Variants in LAMA3 observed in about 807,000 individuals in gnomAD.
LAMA3 encodes the protein laminin subunit alpha-3.
Under a neutral mutation model 402.0 loss-of-function variants are expected in LAMA3, and 281 were observed. The observed-to-expected ratio is 0.70, with a 90% CI of 0.63 to 0.77. LAMA3 has a LOEUF of 0.77. Among genes scored for constraint, LAMA3 ranks in the 30% least tolerant of loss-of-function variants. LAMA3 has a pLI of 0.00. For missense variants in LAMA3, 3,840 were observed against 4,215.5 expected (o/e 0.91, Z 2.47); for synonymous variants, 1,431 against 1,558.4 (o/e 0.92, Z 1.93).
chr18:23,884,894 C>T (rs371115852), intron 41 of LAMA3, 41 bp downstream of exon 41: 97 of 1,498,248 alleles, frequency 6.5e-5, no homozygotes, highest in East Asian at 3.5e-4. Flanking sequence ...GCAGAGGGGG[C>T]GGGGAGGGCT....
chr18:23,769,125 C>A (rs1217407857), intron 8 of LAMA3, among the ~76,000 whole-genome samples: 1 of 152,104 alleles, frequency 6.6e-6, no homozygotes, highest in Non-Finnish European at 1.5e-5. Flanking sequence ...TGTACATGTA[C>A]CCCCTGAATC....
rs748191295 is a variant in LAMA3, at chr18:23,909,176, C to T, written c.7039C>T (p.Pro2347Ser). ...NSVNKLTNKL[P>S]DLWRKIESIN... ...AGTGAATAAGTTAACCAACAAACTA[C>T]CTGATCTTTGGCGCAAGATTGAAAG... The change falls in exon 55 of 75, where the codon CCT becomes TCT. Residue 2347 changes from proline to serine, a missense_variant. Physicochemically the swap from Pro to Ser is moderately conservative, Grantham distance 74. Transcript: ENST00000313654. The T allele has an allele frequency of 1.2e-6, 2 of 1,613,980 alleles. No individual in the cohort carries two copies. Among genetic ancestry groups the T allele is most frequent in the African/African-American group, 1.3e-5 (1 of 75,022 alleles).
rs776254028 is a variant in LAMA3, at chr18:23,950,130, C to A, written c.9613C>A (p.His3205Asn). Residue 3205 changes from histidine to asparagine, a missense_variant, in exon 72 of 75, where the codon CAC becomes AAC. By Grantham distance (68) the His-to-Asn change is moderately conservative. This residue lies in a region of LAMA3 where 840 missense variants were observed against 981.9 expected (regional missense o/e 0.86). Coordinates refer to ENST00000313654, the MANE Select transcript of LAMA3 (RefSeq NM_198129.4). ...LIHIGSQPGK[H>N]LCVYLEAGKV... ...ACACATCGGAAGTCAGCCCGGGAAGCACTTATGTGTTTACCTGGAGGCAGG... is the reference window on the plus strand; with the variant it reads ...ACACATCGGAAGTCAGCCCGGGAAGAACTTATGTGTTTACCTGGAGGCAGG... The A allele has an allele frequency of 6.2e-7, 1 of 1,613,976 alleles. No homozygotes were observed. The highest frequency in any genetic ancestry group is 1.3e-5 in the African/African-American group (1 of 74,896).
chr18:23,904,594 C>A lies in LAMA3; in HGVS notation c.6515C>A (p.Ala2172Asp), dbSNP rs757544751. ...AGCGGGGATGAGCTGGTGCGCTGTGCTGTGGATGCCGCCACCGCCTACGAG... is the reference window on the plus strand; with the variant it reads ...AGCGGGGATGAGCTGGTGCGCTGTGATGTGGATGCCGCCACCGCCTACGAG... ...NASGDELVRC[A>D]VDAATAYENI... Residue 2172 changes from alanine (A) to aspartate (D), a missense_variant, in exon 51 of 75, where the codon GCT (alanine) becomes GAT (aspartate). Ala to Asp is a moderately radical substitution (Grantham distance 126). This residue lies in a region of LAMA3 where 891 missense variants were observed against 857.5 expected (regional missense o/e 1.04). Transcript: ENST00000313654. The A allele has an allele frequency of 1.9e-6, 3 of 1,610,924 alleles. No homozygotes were observed. The highest frequency in any genetic ancestry group is 1.7e-6 in the Non-Finnish European group (2 of 1,178,774).
intron 1 of LAMA3, among the ~76,000 whole-genome samples, chr18:23,695,595 G>A (rs1264793910): frequency 1.3e-5 from 2 of 151,842 alleles, no homozygotes; most frequent in South Asian, 2.1e-4. Flanking sequence ...GCTGAGGCGG[G>A]TGAATCACTT....
chr18:23,693,598 C>A (rs1156689577), intron 1 of LAMA3, among the ~76,000 whole-genome samples: 1 of 151,178 alleles, frequency 6.6e-6, no homozygotes, highest in African/African-American at 2.4e-5. Context: ...GCTAAATAAT[C>A]CACTGGCATA....
At chr18:23,807,165 T>G (rs2062978434) in intron 12 of LAMA3, among the ~76,000 whole-genome samples, 2 of 152,144 alleles carry the variant, frequency 1.3e-5, no homozygotes, top group South Asian at 4.1e-4. Context: ...CCCAAACCAA[T>G]TCAGAGAATT....
intron 40 of LAMA3, among the ~76,000 whole-genome samples, chr18:23,884,320 C>T (rs978623665): frequency 4.6e-5 from 7 of 152,150 alleles, no homozygotes; most frequent in Non-Finnish European, 1.0e-4. Flanking sequence ...CTGGCCTCCC[C>T]ACCAACTTTT....
In LAMA3 at chr18:23,928,194, T is replaced by C; in HGVS notation, c.8249T>C (p.Leu2750Ser). 1.9e-6 allele frequency: 3 copies of C among 1,613,922 alleles called. No homozygotes were observed. The highest frequency in any genetic ancestry group is 2.5e-6 in the Non-Finnish European group (3 of 1,179,776). ...NLKKTSGVVRLNDTVGVTKKC... is the reference protein window; with the variant it reads ...NLKKTSGVVRSNDTVGVTKKC... ...AAGAAAACCAGTGGTGTCGTTAGAT[T>C]GAATGATACTGTGGGAGTAACCAAA... The change falls in exon 63 of 75, where the codon TTG becomes TCG. Residue 2750 changes from leucine (L) to serine (S), a missense_variant. By Grantham distance (145) the Leu-to-Ser change is moderately radical. Transcript: ENST00000313654.
chr18:23,787,263 C>G (rs2062563455), intron 12 of LAMA3, among the ~76,000 whole-genome samples: 1 of 151,926 alleles, frequency 6.6e-6, no homozygotes, highest in African/African-American at 2.4e-5. Context: ...GCCTGGGTGA[C>G]AAGAGTGAAA....
At chr18:23,824,667 T>C (rs2063347502) in intron 21 of LAMA3, 102 bp downstream of exon 21, 14 of 1,325,910 alleles carry the variant, frequency 1.1e-5, no homozygotes, top group Admixed American at 3.4e-5. Flanking sequence ...AATATCACAA[T>C]CATTGGTGGT....
intron 25 of LAMA3, among the ~76,000 whole-genome samples, chr18:23,837,949 CCTT>C (rs2063620149): frequency 6.6e-6 from 1 of 152,140 alleles, no homozygotes; most frequent in East Asian, 1.9e-4. Context: ...AATTATGACT[CCTT>C]CTTAAAACAT....
At chr18:23,860,265 T>TC (rs935866212) in intron 34 of LAMA3, among the ~76,000 whole-genome samples, 28 of 144,874 alleles carry the variant, frequency 1.9e-4, no homozygotes, top group Admixed American at 6.1e-4. Flanking sequence ...TCTTTTCTTT[T>TC]TTTTTTTTTT....
chr18:23,842,349 A>G, intron 27 of LAMA3, 46 bp from the exon 28 acceptor site: 1 of 1,611,746 alleles, frequency 6.2e-7, no homozygotes, highest in Non-Finnish European at 8.5e-7. Flanking sequence ...ATAGCTCTTC[A>G]GCTTGAGGGT....
At chr18:23,904,187 G>A (rs562889110) in intron 50 of LAMA3, 100 bp downstream of exon 50, 3 of 1,375,916 alleles carry the variant, frequency 2.2e-6, no homozygotes, top group Non-Finnish European at 2.1e-6. Flanking sequence ...TGGGTCTCCA[G>A]AACTGGGTGG....
chr18:23,732,303 C>T lies in LAMA3; in HGVS notation c.448-15640C>T, dbSNP rs189415335. On this transcript the variant is annotated intron_variant, in intron 2 of 74. Transcript: ENST00000313654. The stretch of plus-strand genomic sequence containing the variant: ...AGTAGGATGGGCAGCAGGGAAGAGG[C>T]GAGAGCTTTGGTGCAGAAAGATGAG... 5.9e-3 allele frequency among the ~76,000 whole-genome samples: 893 copies of T among 152,078 alleles called. 6 individuals carry two copies. Among genetic ancestry groups the T allele is most frequent in the Non-Finnish European group, 9.8e-3 (663 of 67,984 alleles).
rs926203116 is a variant in LAMA3, at chr18:23,835,069, T to C, written c.2984+1081T>C. 9.2e-5 allele frequency among the ~76,000 whole-genome samples: 14 copies of C among 152,374 alleles called. No individual in the cohort carries two copies. The South Asian group carries it at 2.3e-3, about 25-fold the overall frequency. On this transcript the variant is annotated intron_variant, in intron 24 of 74. Coordinates refer to ENST00000313654, the MANE Select transcript of LAMA3 (RefSeq NM_198129.4). ...GATGTTCTGTCATTATCTGAAGATA[T>C]GAGCGGTATCTGTCTATAGATGAAA...
rs117518099 is a variant in LAMA3 at position 23,851,198 on chromosome 18, G to A, written c.4136+3530G>A. On this transcript the variant is annotated intron_variant, in intron 32 of 74. Coordinates refer to ENST00000313654, the MANE Select transcript of LAMA3 (RefSeq NM_198129.4). ...GAGGCTGGCCAGGCAGTGTGCAGGC[G>A]CTGGGATGTGCTGTTGACACAGTGG... Among the ~76,000 whole-genome samples the A allele has an allele frequency of 5.6e-3, 856 of 152,284 alleles. 3 individuals carry two copies. Among genetic ancestry groups the A allele is most frequent in the Non-Finnish European group, 8.6e-3 (583 of 68,026 alleles).
chr18:23,947,758 TA>T (rs1475071380), intron 70 of LAMA3, among the ~76,000 whole-genome samples: 3 of 151,886 alleles, frequency 2.0e-5, no homozygotes, highest in Non-Finnish European at 4.4e-5. Flanking sequence ...CATTAATTGC[TA>T]AGGAGGATTC....
Sources: allele counts gnomAD v4.1 joint callset (sites outside exome capture counted in the v4.1 genomes callset), GRCh38; gene constraint gnomAD v4.1.1; regional missense constraint gnomAD v4.1.1; transcripts MANE v1.5; gene names NCBI Gene and HGNC (gene_info 2026-07-23, HGNC 2026-07-21).